Variants in LRRC37A2 observed in about 807,000 individuals in gnomAD.
The protein encoded by LRRC37A2 is leucine-rich repeat-containing protein 37A2.
A neutral mutation model predicts 68.8 loss-of-function variants in LRRC37A2; 9 were observed. That is an observed-to-expected ratio of 0.13 (90% CI 0.08 to 0.23). The LOEUF is 0.23. Among genes scored for constraint, LRRC37A2 ranks in the 10% least tolerant of loss-of-function variants. The pLI is 1.00. For synonymous variants in LRRC37A2, 63 were observed against 367.6 expected (o/e 0.17, Z 9.48); for missense variants, 168 against 950.4 (o/e 0.18, Z 10.82).
the LRRC37A2 span, among the ~76,000 whole-genome samples, chr17:46,879,421 T>C: frequency 2.0e-5 from 3 of 152,218 alleles, no homozygotes; most frequent in Non-Finnish European, 4.4e-5. Flanking sequence ...CCCTTCTGGG[T>C]CCAGGCCCCC....
At chr17:46,721,773 C>CCTCAAGGAAG in the LRRC37A2 span, 1 of 1,602,058 alleles carries the variant, frequency 6.2e-7, no homozygotes, top group Non-Finnish European at 8.5e-7. Context: ...AAGACCAAGT[C>CCTCAAGGAAG]CTCAAGGAAG....
the LRRC37A2 span, chr17:46,940,600 C>T: frequency 4.3e-6 from 7 of 1,614,074 alleles, no homozygotes; most frequent in South Asian, 7.7e-5. Flanking sequence ...GGAAGGTCTG[C>T]AGGGAGCAGC....
chr17:46,786,456 G>A, the LRRC37A2 span, among the ~76,000 whole-genome samples: 227 of 152,314 alleles, frequency 1.5e-3, no homozygotes, highest in Non-Finnish European at 2.6e-3. Flanking sequence ...GTCCAGAGAC[G>A]GGTAAAAGGC....
At chr17:46,993,845 A>G in the LRRC37A2 span, among the ~76,000 whole-genome samples, 1 of 152,054 alleles carries the variant, frequency 6.6e-6, no homozygotes, top group Non-Finnish European at 1.5e-5. Context: ...ACTCTGCAGG[A>G]ATGTGAGAGT....
At chr17:46,809,543 C>G in the LRRC37A2 span, among the ~76,000 whole-genome samples, 1 of 152,220 alleles carries the variant, frequency 6.6e-6, no homozygotes, top group Admixed American at 6.5e-5. Flanking sequence ...TTGTGCCTGT[C>G]TCCTAGTTTG....
chr17:46,924,136 C>T, the LRRC37A2 span: 1 of 331,576 alleles, frequency 3.0e-6, no homozygotes, highest in East Asian at 4.5e-5. Flanking sequence ...TTCTTCCTTC[C>T]AGAACACCTA....
At chr17:46,492,112 C>T in the LRRC37A2 span, among the ~76,000 whole-genome samples, 22 of 151,256 alleles carry the variant, frequency 1.5e-4, no homozygotes, top group African/African-American at 4.9e-4. Flanking sequence ...TACAGGCGCC[C>T]GCCACTACGC....
At chr17:47,019,539 C>T in the LRRC37A2 span, 1 of 1,506,836 alleles carries the variant, frequency 6.6e-7, no homozygotes, top group Non-Finnish European at 9.2e-7. Flanking sequence ...GCTTCAGACT[C>T]TGCATCGAAA....
the LRRC37A2 span, among the ~76,000 whole-genome samples, chr17:46,743,757 G>T: frequency 6.6e-6 from 1 of 152,318 alleles, no homozygotes; most frequent in South Asian, 2.1e-4. Context: ...TAGACCTCCT[G>T]CCTGTGGCTG....
chr17:46,553,311 G>T (rs2056996144), intron 11 of LRRC37A2, 89 bp from the exon 11 acceptor site: 1 of 1,602,192 alleles, frequency 6.2e-7, no homozygotes, highest in East Asian at 2.3e-5. Flanking sequence ...AGGTAGATGA[G>T]ACTTATAATG....
chr17:46,544,733 GCCC>G (rs1332055794), intron 8 of LRRC37A2, among the ~76,000 whole-genome samples: 1 of 93,912 alleles, frequency 1.1e-5, no homozygotes, highest in Non-Finnish European at 2.0e-5. Flanking sequence ...CTCTGAAAGT[GCCC>G]CCAATAAGCC....
At chr17:46,496,351 C>T in the LRRC37A2 span, among the ~76,000 whole-genome samples, 1 of 148,176 alleles carries the variant, frequency 6.7e-6, no homozygotes, top group East Asian at 2.0e-4. Context: ...TGCCTGTAAT[C>T]CCAGCACTTT....
At chr17:46,890,347 C>T in the LRRC37A2 span, among the ~76,000 whole-genome samples, 1 of 152,174 alleles carries the variant, frequency 6.6e-6, no homozygotes, top group Non-Finnish European at 1.5e-5. Context: ...TCTGTGAGTC[C>T]CCTGGTGGGC....
the LRRC37A2 span, among the ~76,000 whole-genome samples, chr17:46,878,527 T>C: frequency 6.6e-6 from 1 of 152,184 alleles, no homozygotes; most frequent in Admixed American, 6.5e-5. Context: ...CCCAAGCACC[T>C]GGCCCACACC....
the LRRC37A2 span, chr17:46,704,933 C>G: frequency 1.4e-6 from 2 of 1,446,382 alleles, no homozygotes; most frequent in Non-Finnish European, 1.9e-6. Flanking sequence ...GTGCCATTTA[C>G]TCAGTATTAT....
chr17:46,777,692 C>A, the LRRC37A2 span, among the ~76,000 whole-genome samples: 1 of 152,206 alleles, frequency 6.6e-6, no homozygotes, highest in African/African-American at 2.4e-5. Flanking sequence ...TGAATCCTCA[C>A]AACAACTCTG....
At chr17:46,845,989 C>T in the LRRC37A2 span, among the ~76,000 whole-genome samples, 1 of 152,048 alleles carries the variant, frequency 6.6e-6, no homozygotes, top group Non-Finnish European at 1.5e-5. Context: ...TGGGGTTTTG[C>T]CATGTTGGCC....
intron 2 of LRRC37A2, among the ~76,000 whole-genome samples, chr17:46,515,816 AT>A (rs2051190099): frequency 4.1e-5 from 1 of 24,224 alleles, no homozygotes; most frequent in South Asian, 8.8e-4. Context: ...TTGTTGTGAA[AT>A]TTAGGTGAGT....
the LRRC37A2 span, among the ~76,000 whole-genome samples, chr17:46,679,561 G>A: frequency 1.4e-3 from 175 of 128,266 alleles, no homozygotes; most frequent in African/African-American, 4.9e-3. Context: ...GCTTGGTGGC[G>A]CACAGCTGTA....
Sources: allele counts gnomAD v4.1 joint callset (sites outside exome capture counted in the v4.1 genomes callset), GRCh38; gene constraint gnomAD v4.1.1; transcripts MANE v1.5; gene names NCBI Gene and HGNC (gene_info 2026-07-23, HGNC 2026-07-21).